The following PPP2R2C variants were observed in gnomAD, a reference collection of about 807,000 sequenced individuals.
PPP2R2C encodes protein phosphatase 2, regulatory subunit B, gamma.
PPP2R2C carries 10 observed loss-of-function variants against 45.3 expected under a neutral mutation model. That is an observed-to-expected ratio of 0.22 (90% CI 0.14 to 0.37). The LOEUF is 0.37. PPP2R2C is among the 10% of genes least tolerant of loss of function. The pLI is 1.00. For missense variants in PPP2R2C, 308 were observed against 619.7 expected (o/e 0.50, Z 5.34); for synonymous variants, 257 against 245.4 (o/e 1.05, Z -0.44).
At chr4:6,401,120 C>T (rs768618567) in intron 1 of PPP2R2C, among the ~76,000 whole-genome samples, 22 of 152,206 alleles carry the variant, frequency 1.4e-4, no homozygotes, top group Non-Finnish European at 2.9e-4. Context: ...AACATGAAAA[C>T]AAGTCTCAAA....
At chr4:6,367,088 G>C (rs1481981798) in intron 5 of PPP2R2C, among the ~76,000 whole-genome samples, 1 of 151,852 alleles carries the variant, frequency 6.6e-6, no homozygotes, top group Non-Finnish European at 1.5e-5. Flanking sequence ...CCTCTTCCTT[G>C]AACCTTGGTG....
At chr4:6,367,364 C>T (rs980026689) in intron 5 of PPP2R2C, among the ~76,000 whole-genome samples, 5 of 152,144 alleles carry the variant, frequency 3.3e-5, no homozygotes, top group African/African-American at 7.2e-5. Context: ...GTCATCGGGC[C>T]GAGTGAGGAC....
chr4:6,410,841 T>TTTTATTTA (rs148453274), intron 1 of PPP2R2C, among the ~76,000 whole-genome samples: 30 of 140,430 alleles, frequency 2.1e-4, no homozygotes, highest in South Asian at 4.9e-4. Flanking sequence ...ATTCCCCCTG[T>TTTTATTTA]TTTATTTATT....
At chr4:6,409,432 G>A (rs189959727) in intron 1 of PPP2R2C, among the ~76,000 whole-genome samples, 4 of 152,282 alleles carry the variant, frequency 2.6e-5, no homozygotes, top group Admixed American at 2.6e-4. Flanking sequence ...CCAGGCACCA[G>A]GCCCACCAGC....
rs1731596760 is a variant in PPP2R2C, at chr4:6,322,250, C to T, written c.*1052G>A. The T allele has an allele frequency of 6.6e-6, 1 of 152,170 alleles. No homozygotes were observed. The highest frequency in any genetic ancestry group is 1.5e-5 in the Non-Finnish European group (1 of 68,050). The allele number at this position is 152,170 out of a possible 1,614,324, so 9.4% of individuals were successfully genotyped here. On this transcript the variant is annotated 3_prime_UTR_variant, in exon 9 of 9. Transcript: ENST00000382599. This position sits in a 1 kb window ranked among gnomAD's most constrained non-coding sequence, Gnocchi z 7.8. ...CCCGGACGGGTTCCTGACACCACTG[C>T]ACGGCACCTGCCATGGGTGACCTGT...
chr4:6,556,502 G>A (rs1025294802), intron 1 of PPP2R2C, among the ~76,000 whole-genome samples: 5 of 152,156 alleles, frequency 3.3e-5, no homozygotes, highest in African/African-American at 9.7e-5. Flanking sequence ...AGCCAATTCC[G>A]TGTGCGTGTG....
At chr4:6,353,377 G>GTCCCCACACTGACAGCC (rs1553886711) in intron 5 of PPP2R2C, among the ~76,000 whole-genome samples, 6,852 of 17,780 alleles carry the variant, frequency 0.39, 1,009 homozygotes, top group East Asian at 0.46. Flanking sequence ...CCAACCAACA[G>GTCCCCACACTGACAGCC]CCCCCACACT....
At chr4:6,432,405 C>A (rs1397629518) in intron 1 of PPP2R2C, among the ~76,000 whole-genome samples, 1 of 152,212 alleles carries the variant, frequency 6.6e-6, no homozygotes, top group East Asian at 1.9e-4. Context: ...GTACCCACAT[C>A]CTCAGTAGGT....
chr4:6,525,248 TA>T (rs1250860786), intron 2 of PPP2R2C, among the ~76,000 whole-genome samples: 2 of 150,938 alleles, frequency 1.3e-5, no homozygotes, highest in Non-Finnish European at 3.0e-5. Context: ...CTACTAAAAA[TA>T]AAAAAATTAG....
At chr4:6,421,003 T>C in intron 1 of PPP2R2C, 1 of 985,240 alleles carries the variant, frequency 1.0e-6, no homozygotes, top group Non-Finnish European at 1.2e-6. Context: ...CTCCTCGATG[T>C]GCCTGAGGAG....
At chr4:6,511,645 GT>G (rs1347020031) in intron 2 of PPP2R2C, among the ~76,000 whole-genome samples, 1 of 90,040 alleles carries the variant, frequency 1.1e-5, no homozygotes, top group Non-Finnish European at 2.2e-5. Flanking sequence ...GGTGTTGATG[GT>G]GGTGGTGATG....
chr4:6,501,797 A>C (rs1723064925), intron 2 of PPP2R2C, among the ~76,000 whole-genome samples: 1 of 152,150 alleles, frequency 6.6e-6, no homozygotes. Context: ...AACCACGAGG[A>C]CCTCAGCCTC....
At chr4:6,383,335 A>G in intron 1 of PPP2R2C, 1 of 1,288,204 alleles carries the variant, frequency 7.8e-7, no homozygotes, top group East Asian at 5.6e-5. Flanking sequence ...TCGCAGATGC[A>G]AGATGATGAA....
intron 4 of PPP2R2C, among the ~76,000 whole-genome samples, chr4:6,373,899 GCA>G (rs1181019716): frequency 1.6e-5 from 2 of 123,372 alleles, no homozygotes; most frequent in Admixed American, 1.7e-4. Flanking sequence ...GTATGTGCAT[GCA>G]TGTGTGTGTG....
intron 1 of PPP2R2C, among the ~76,000 whole-genome samples, chr4:6,536,576 C>T (rs1230464621): frequency 6.6e-6 from 1 of 152,124 alleles, no homozygotes; most frequent in African/African-American, 2.4e-5. Flanking sequence ...AAAAAAAGGC[C>T]CTGTGGCCCA....
chr4:6,456,611 G>A (rs187422326), intron 1 of PPP2R2C, among the ~76,000 whole-genome samples: 101 of 152,294 alleles, frequency 6.6e-4, no homozygotes, highest in African/African-American at 2.3e-3. Flanking sequence ...TTCATTCCAT[G>A]ATGGATTGCT....
intron 5 of PPP2R2C, among the ~76,000 whole-genome samples, chr4:6,354,756 G>A (rs926579367): frequency 2.0e-5 from 3 of 151,562 alleles, no homozygotes; most frequent in African/African-American, 7.3e-5. Flanking sequence ...CAGTCAGTGA[G>A]CAGCAGAGCT....
At chr4:6,371,972 C>G (rs1447745069) in intron 5 of PPP2R2C, among the ~76,000 whole-genome samples, 1 of 152,322 alleles carries the variant, frequency 6.6e-6, no homozygotes, top group East Asian at 1.9e-4. Flanking sequence ...CAGCAGTCGG[C>G]GGGAATCGTC....
intron 1 of PPP2R2C, among the ~76,000 whole-genome samples, chr4:6,411,481 T>C (rs1560527002): frequency 6.6e-6 from 1 of 152,072 alleles, no homozygotes. Flanking sequence ...TTTCTCCCTA[T>C]ACTGCCCATA....
Sources: gnomAD v4.1 joint callset for allele counts (sites outside exome capture counted in the v4.1 genomes callset) on GRCh38, gnomAD v4.1.1 for gene constraint, Gnocchi (gnomAD v3.1) non-coding constraint, MANE v1.5 for transcripts, NCBI Gene and HGNC (gene_info 2026-07-23, HGNC 2026-07-21) for gene names.